Variants in PLAU observed in about 807,000 individuals in gnomAD.
PLAU encodes urokinase-type plasminogen activator.
In PLAU, 32 loss-of-function variants were observed where a neutral mutation model predicts 48.9. That is an observed-to-expected ratio of 0.65 (90% CI 0.49 to 0.88). PLAU has a LOEUF of 0.88. Among genes scored for constraint, PLAU ranks in the 40% least tolerant of loss-of-function variants. The pLI, the probability that PLAU is intolerant of heterozygous loss-of-function variation, is 0.00. For synonymous variants in PLAU, 199 were observed against 205.7 expected (o/e 0.97, Z 0.28); for missense variants, 455 against 545.2 (o/e 0.83, Z 1.65).
Position 73,916,528 on chromosome 10 carries a change from G to GCAGTCA in PLAU, c.1262_1267dup (p.Ser421_His422dup). The GCAGTCA allele has an allele frequency of 6.2e-7, 1 of 1,613,646 alleles. No individual in the cohort carries two copies. Among genetic ancestry groups the GCAGTCA allele is most frequent in the East Asian group, 2.2e-5 (1 of 44,874 alleles). ...GTCTCACACTTCTTACCCTGGATCC[G>GCAGTCA]CAGTCACACCAAGGAAGAGAATGGC... is the stretch of plus-strand genomic sequence containing the variant. On this transcript the variant is annotated inframe_insertion, in exon 11 of 11. Transcript: ENST00000372764.
chr10:73,916,481 C>T lies in PLAU; in HGVS notation c.1212C>T (p.Asp404=). ...GGGGCCGTGGATGTGCCCTGAAGGA[C>T]AAGCCAGGCGTCTACACGAGAGTCT... ...VSWGRGCALK[D]KPGVYTRVSH... The change falls in exon 11 of 11, where the codon GAC becomes GAT. Residue 404 remains aspartate, a synonymous_variant. Coordinates refer to ENST00000372764, the MANE Select transcript of PLAU (RefSeq NM_002658.6). The T allele has an allele frequency of 1.2e-6, 2 of 1,613,902 alleles. No homozygotes were observed. The highest frequency in any genetic ancestry group is 1.7e-6 in the Non-Finnish European group (2 of 1,179,902).
At chr10:73,915,101 T>C in intron 9 of PLAU, 150 bp from the exon 10 acceptor site, 2 of 997,514 alleles carry the variant, frequency 2.0e-6, no homozygotes, top group Non-Finnish European at 1.5e-6. Context: ...AAATAGATGG[T>C]AGGGGCTATA....
At chr10:73,911,901 CATT>C in intron 2 of PLAU, 137 bp from the exon 3 acceptor site, 4 of 1,576,174 alleles carry the variant, frequency 2.5e-6, no homozygotes, top group Non-Finnish European at 3.4e-6. Context: ...CATGGTCTTC[CATT>C]TGAGAACTAG....
At chr10:73,910,560 C>T (rs143893486), upstream of PLAU, 2 of 152,382 alleles carry the variant, frequency 1.3e-5, no homozygotes, top group African/African-American at 4.8e-5. Flanking sequence ...ATAAGCCCGG[C>T]TTTGTTCCAT....
At chr10:73,915,829 A>G (rs2096135593) in intron 10 of PLAU, among the ~76,000 whole-genome samples, 1 of 152,182 alleles carries the variant, frequency 6.6e-6, no homozygotes, top group Non-Finnish European at 1.5e-5. Context: ...AAAACTGAGA[A>G]GGAGGCTGGC....
chr10:73,911,164 C>T lies in PLAU; in HGVS notation c.-86C>T. On this transcript the variant is annotated 5_prime_UTR_variant, in exon 1 of 11. Coordinates refer to ENST00000372764, the MANE Select transcript of PLAU (RefSeq NM_002658.6). The stretch of plus-strand genomic sequence containing the variant: ...GGAGACCGCAGCCCCGGAGCCCGGG[C>T]CAGGGTCCACCTGTCCCCGCAGCGC... The T allele has an allele frequency of 3.9e-6, 1 of 254,402 alleles. No homozygotes were observed. The highest frequency in any genetic ancestry group is 7.4e-6 in the Non-Finnish European group (1 of 134,986). 15.8% of individuals were successfully genotyped at this position (254,402 alleles called of 1,614,324 possible). A position where few individuals can be genotyped will look rare whatever the true frequency, so the allele number is the denominator to read the frequency against.
upstream of PLAU, among the ~76,000 whole-genome samples, chr10:73,909,710 G>C (rs2096120685): frequency 6.6e-6 from 1 of 152,200 alleles, no homozygotes; most frequent in South Asian, 2.1e-4. Context: ...CCTAGGCTGG[G>C]AAAGGGCCCA....
At position 73,915,022 on chromosome 10, in the gene PLAU, T is replaced by C. The variant is rs930237527; in HGVS notation, c.970+106T>C. ...ACTGCAGAGTTAGAGGTGGGAGCAC[T>C]GAGGCGGTGGCAGATGGGTCCAGGG... is the stretch of plus-strand genomic sequence containing the variant. On this transcript the variant is annotated intron_variant, in intron 9 of 10. Coordinates refer to ENST00000372764, the MANE Select transcript of PLAU (RefSeq NM_002658.6). 1.3e-5 allele frequency: 17 copies of C among 1,303,524 alleles called. No individual in the cohort carries two copies. In the African/African-American group the frequency reaches 2.3e-4, roughly 18 times the overall value. 80.7% of individuals were successfully genotyped at this position (1,303,524 alleles called of 1,614,324 possible).
Position 73,911,538 on chromosome 10 carries a change from C to A in PLAU, c.-18C>A, listed in dbSNP as rs2227555. 2,589 of 1,610,580 alleles carry A rather than the reference C, an allele frequency of 1.6e-3. 40 individuals carry two copies. The African/African-American group carries it at 0.029, about 18-fold the overall frequency. ...CTTCCTTTGCAGAGCCGCCGTCTAGCGCCCCGACCTCGCCACCATGAGAGC... is the reference window on the plus strand; with the variant it reads ...CTTCCTTTGCAGAGCCGCCGTCTAGAGCCCCGACCTCGCCACCATGAGAGC... On this transcript the variant is annotated 5_prime_UTR_variant, in exon 2 of 11. Coordinates refer to ENST00000372764, the MANE Select transcript of PLAU (RefSeq NM_002658.6).
Position 73,911,218 on chromosome 10 carries a change from G to T in PLAU, c.-32G>T. 1 of 354,396 alleles carries T rather than the reference G, an allele frequency of 2.8e-6. No homozygotes were observed. The highest frequency in any genetic ancestry group is 5.1e-6 in the Non-Finnish European group (1 of 196,072). 22.0% of individuals were successfully genotyped at this position (354,396 alleles called of 1,614,324 possible). A position where few individuals can be genotyped will look rare whatever the true frequency, so the allele number is the denominator to read the frequency against. On this transcript the variant is annotated splice_region_variant and 5_prime_UTR_variant, in exon 1 of 11. Coordinates refer to ENST00000372764, the MANE Select transcript of PLAU (RefSeq NM_002658.6). ...CTCGCGCCCTCCTGCCGCAGCCACCGGTGAGTGCCGCGGTCCTGAGATCCC... is the reference window on the plus strand; with the variant it reads ...CTCGCGCCCTCCTGCCGCAGCCACCTGTGAGTGCCGCGGTCCTGAGATCCC...
At chr10:73,913,784 G>A (rs780329846) in intron 7 of PLAU, 26 bp downstream of exon 7, 8 of 1,538,136 alleles carry the variant, frequency 5.2e-6, no homozygotes, top group African/African-American at 4.1e-5. Flanking sequence ...TCTCCTCTTC[G>A]ACTCTTCTGC....
chr10:73,914,250 G>A (rs1221698642), intron 8 of PLAU, 122 bp downstream of exon 8: 4 of 888,818 alleles, frequency 4.5e-6, no homozygotes, highest in Non-Finnish European at 7.0e-6. Flanking sequence ...GGACCTTGAA[G>A]CCTCGATATA....
rs771325395 is a variant in PLAU, at chr10:73,911,643, C to T, written c.57+31C>T. 1.9e-6 allele frequency: 3 copies of T among 1,612,868 alleles called. No homozygotes were observed. In the African/African-American group the frequency reaches 4.0e-5, roughly 21 times the overall value. ...TGCGCTCTTGCTTTGACTGATGCTG[C>T]CCAAGGACCTCTGATCAGCACCAGG... On this transcript the variant is annotated intron_variant, in intron 2 of 10. Coordinates refer to ENST00000372764, the MANE Select transcript of PLAU (RefSeq NM_002658.6).
intron 8 of PLAU, 107 bp downstream of exon 8, chr10:73,914,235 G>T: frequency 8.7e-7 from 1 of 1,147,678 alleles, no homozygotes; most frequent in East Asian, 2.4e-5. Flanking sequence ...CAGGGGTGGG[G>T]CGAGGGACCT....
chr10:73,916,005 C>G (rs1277261677), intron 10 of PLAU, among the ~76,000 whole-genome samples: 1 of 151,966 alleles, frequency 6.6e-6, no homozygotes, highest in African/African-American at 2.4e-5. Flanking sequence ...TTTGGGAGGC[C>G]GAGGTGGATG....
chr10:73,913,392 C>T lies in PLAU; in HGVS notation c.460+11C>T. On this transcript the variant is annotated intron_variant, in intron 6 of 10. Transcript: ENST00000372764. ...ATGACTGCGCAGATGGTGAGCATCACTGACCTGCTGATGACAGTGGGGTGG... is the reference window on the plus strand; with the variant it reads ...ATGACTGCGCAGATGGTGAGCATCATTGACCTGCTGATGACAGTGGGGTGG... 6.2e-7 allele frequency: 1 copy of T among 1,610,010 alleles called. No homozygotes were observed. The highest frequency in any genetic ancestry group is 2.2e-5 in the East Asian group (1 of 44,866).
In PLAU at chr10:73,913,584, G is replaced by A; in HGVS notation, c.506G>A (p.Gly169Asp). The A allele has an allele frequency of 6.2e-7, 1 of 1,613,848 alleles. No homozygotes were observed. Among genetic ancestry groups the A allele is most frequent in the Non-Finnish European group, 8.5e-7 (1 of 1,179,948 alleles). ...CCAGAAGAATTAAAATTTCAGTGTG[G>A]CCAAAAGACTCTGAGGCCCCGCTTT... is the stretch of plus-strand genomic sequence containing the variant. ...SPPEELKFQC[G>D]QKTLRPRFKI... Residue 169 changes from glycine to aspartate, a missense_variant, in exon 7 of 11, where the codon GGC becomes GAC. By Grantham distance (94) the Gly-to-Asp change is moderately conservative. Coordinates refer to ENST00000372764, the MANE Select transcript of PLAU (RefSeq NM_002658.6).
At chr10:73,916,006 G>A (rs1218054276) in intron 10 of PLAU, among the ~76,000 whole-genome samples, 9 of 152,150 alleles carry the variant, frequency 5.9e-5, no homozygotes, top group East Asian at 1.9e-4. Flanking sequence ...TTGGGAGGCC[G>A]AGGTGGATGG....
intron 9 of PLAU, 119 bp downstream of exon 9, chr10:73,915,035 G>C: frequency 8.5e-7 from 1 of 1,174,850 alleles, no homozygotes; most frequent in Non-Finnish European, 1.2e-6. Context: ...GGCGGTGGCA[G>C]ATGGGTCCAG....
Sources: gnomAD v4.1 joint callset for allele counts (sites outside exome capture counted in the v4.1 genomes callset) on GRCh38, gnomAD v4.1.1 for gene constraint, MANE v1.5 for transcripts, NCBI Gene and HGNC (gene_info 2026-07-23, HGNC 2026-07-21) for gene names.